Variants in CCDC102B observed in about 807,000 individuals in gnomAD.
CCDC102B encodes coiled-coil domain-containing protein 102B.
CCDC102B carries 75 observed loss-of-function variants against 57.4 expected under a neutral mutation model. That is an observed-to-expected ratio of 1.31 (90% CI 1.08 to 1.58). CCDC102B has a LOEUF of 1.58. Ranked by LOEUF, CCDC102B falls within the 40% of genes most tolerant of loss-of-function variation. The pLI, the probability that CCDC102B is intolerant of heterozygous loss-of-function variation, is 0.00. For synonymous variants in CCDC102B, 206 were observed against 201.9 expected, an observed-to-expected ratio of 1.02 and a Z score of -0.17; for missense variants, 636 against 582.6, an observed-to-expected ratio of 1.09 and a Z score of -0.94.
At chr18:68,793,535 A>G (rs1166994454), upstream of CCDC102B, among the ~76,000 whole-genome samples, 10 of 152,090 alleles carry the variant, frequency 6.6e-5, no homozygotes, top group African/African-American at 2.2e-4. Context: ...TACTTTCTCT[A>G]TAACATGTCC....
At chr18:68,986,967 G>T (rs1052832363) in intron 6 of CCDC102B, among the ~76,000 whole-genome samples, 1 of 152,158 alleles carries the variant, frequency 6.6e-6, no homozygotes, top group Non-Finnish European at 1.5e-5. Flanking sequence ...TGGATTGGAA[G>T]AGTCAATATC....
chr18:68,890,812 C>T (rs2040047831), intron 5 of CCDC102B, among the ~76,000 whole-genome samples: 1 of 152,132 alleles, frequency 6.6e-6, no homozygotes. Flanking sequence ...CAATAGACTA[C>T]TACTCCTTTG....
intron 6 of CCDC102B, among the ~76,000 whole-genome samples, chr18:68,915,841 G>C (rs569123833): frequency 6.6e-6 from 1 of 152,122 alleles, no homozygotes; most frequent in African/African-American, 2.4e-5. Flanking sequence ...TGTAAAGTAC[G>C]AATGAAGATT....
At chr18:69,031,622 T>A (rs566107256) in intron 7 of CCDC102B, among the ~76,000 whole-genome samples, 1 of 152,116 alleles carries the variant, frequency 6.6e-6, no homozygotes, top group Non-Finnish European at 1.5e-5. Context: ...ACTAATTTGT[T>A]TTTTTCTTTT....
intron 6 of CCDC102B, among the ~76,000 whole-genome samples, chr18:68,907,681 ATTTCT>A (rs1177557716): frequency 1.3e-5 from 2 of 152,076 alleles, no homozygotes; most frequent in African/African-American, 4.8e-5. Flanking sequence ...GCTGTAGTAA[ATTTCT>A]TTTTCTAGAT....
chr18:68,956,479 T>A (rs1443056379), intron 6 of CCDC102B, among the ~76,000 whole-genome samples: 22 of 70,368 alleles, frequency 3.1e-4, no homozygotes, highest in African/African-American at 8.3e-4. Flanking sequence ...ATATTATATA[T>A]ATATAATATA....
intron 6 of CCDC102B, 112 bp from the exon 7 acceptor site, chr18:69,010,822 C>A: frequency 1.5e-6 from 1 of 656,638 alleles, no homozygotes. Context: ...AAGATGATGG[C>A]TCATCTAAAT....
At chr18:69,041,115 A>G (rs2052423315) in intron 7 of CCDC102B, among the ~76,000 whole-genome samples, 1 of 152,138 alleles carries the variant, frequency 6.6e-6, no homozygotes, top group African/African-American at 2.4e-5. Flanking sequence ...GAGCAAAAAA[A>G]ATGAGTTTAA....
At chr18:68,832,432 G>T (rs1487481612) in intron 1 of CCDC102B, among the ~76,000 whole-genome samples, 1 of 152,154 alleles carries the variant, frequency 6.6e-6, no homozygotes, top group Non-Finnish European at 1.5e-5. Flanking sequence ...CAGAAGTGAT[G>T]TCTATTTTGT....
intron 6 of CCDC102B, among the ~76,000 whole-genome samples, chr18:68,994,546 A>G (rs2145335805): frequency 6.6e-6 from 1 of 151,078 alleles, no homozygotes; most frequent in South Asian, 2.1e-4. Flanking sequence ...AAAGGGAGAC[A>G]CCAGGTGAAG....
chr18:68,726,117 A>G (rs187108927), intron 2 of CCDC102B, among the ~76,000 whole-genome samples: 18 of 152,350 alleles, frequency 1.2e-4, no homozygotes, highest in Non-Finnish European at 1.9e-4. Flanking sequence ...GTTGAAATAC[A>G]TGATTTTCAA....
intron 2 of CCDC102B, among the ~76,000 whole-genome samples, chr18:68,778,881 G>A (rs201205067): frequency 1.5e-3 from 201 of 132,888 alleles, no homozygotes; most frequent in South Asian, 1.5e-3. Context: ...AAGAAAACCA[G>A]AAAAAAAAAA....
At chr18:68,956,512 TATCG>T (rs2049888050) in intron 6 of CCDC102B, among the ~76,000 whole-genome samples, 2 of 48,556 alleles carry the variant, frequency 4.1e-5, no homozygotes, top group African/African-American at 1.6e-4. Flanking sequence ...ATAATATATA[TATCG>T]CATATTATAT....
chr18:68,922,107 A>G (rs551951848), intron 6 of CCDC102B, among the ~76,000 whole-genome samples: 1 of 152,250 alleles, frequency 6.6e-6, no homozygotes, highest in South Asian at 2.1e-4. Flanking sequence ...CACTCAGCCT[A>G]TTGAATAAGC....
intron 2 of CCDC102B, among the ~76,000 whole-genome samples, chr18:68,772,820 G>A (rs902292701): frequency 4.6e-5 from 7 of 151,994 alleles, no homozygotes; most frequent in Admixed American, 3.3e-4. Context: ...TTTTATCTGG[G>A]AGTGTTCAGT....
At chr18:68,909,474 A>G (rs1008517835) in intron 6 of CCDC102B, among the ~76,000 whole-genome samples, 5 of 152,224 alleles carry the variant, frequency 3.3e-5, no homozygotes, top group African/African-American at 7.2e-5. Context: ...ACCAATAAGT[A>G]TTTTCACATT....
intron 2 of CCDC102B, among the ~76,000 whole-genome samples, chr18:68,742,066 G>T (rs2033416856): frequency 6.6e-6 from 1 of 152,198 alleles, no homozygotes; most frequent in Admixed American, 6.5e-5. Flanking sequence ...ACTACAAACT[G>T]GTGGCTTAAA....
chr18:68,754,724 C>T (rs1404940318), intron 2 of CCDC102B: 1 of 152,148 alleles, frequency 6.6e-6, no homozygotes, highest in Non-Finnish European at 1.5e-5. Flanking sequence ...TGTGTCTCCT[C>T]AAATTCCTAT....
Position 68,878,422 on chromosome 18 carries a change from T to G in CCDC102B, c.1053+3637T>G, listed in dbSNP as rs568387620. On this transcript the variant is annotated intron_variant, in intron 5 of 7. Coordinates refer to ENST00000360242, the MANE Select transcript of CCDC102B (RefSeq NM_024781.3). The stretch of plus-strand genomic sequence containing the variant: ...CTAGATTTGACTACATTTGATTCAC[T>G]CAAAGCACGTTGGTCACTAGTATGG... 1.5e-3 allele frequency among the ~76,000 whole-genome samples: 227 copies of G among 152,234 alleles called. 1 individual carries two copies. The highest frequency in any genetic ancestry group is 5.3e-3 in the African/African-American group (220 of 41,556).
Sources: gnomAD v4.1 joint callset for allele counts (sites outside exome capture counted in the v4.1 genomes callset) on GRCh38, gnomAD v4.1.1 for gene constraint, MANE v1.5 for transcripts, NCBI Gene and HGNC (gene_info 2026-07-23, HGNC 2026-07-21) for gene names.